WWOX: variants seen among roughly 807,000 people sequenced by gnomAD.
The protein encoded by WWOX is WW domain containing oxidoreductase.
A neutral mutation model predicts 46.2 loss-of-function variants in WWOX; 69 were observed. The observed-to-expected ratio is 1.49, with a 90% CI of 1.23 to 1.82. The LOEUF is 1.82. Among genes scored for constraint, WWOX ranks in the 40% most tolerant of loss-of-function variants. The probability of loss-of-function intolerance (pLI) is 0.00; values close to 1 mark genes in which losing one functional copy is unlikely to be tolerated. For synonymous variants in WWOX, 359 were observed against 202.6 expected, an observed-to-expected ratio of 1.77 and a Z score of -6.56; for missense variants, 919 against 542.6, an observed-to-expected ratio of 1.69 and a Z score of -6.89.
intron 8 of WWOX, among the ~76,000 whole-genome samples, chr16:78,535,890 C>T (rs538066272): frequency 2.0e-5 from 3 of 152,062 alleles, no homozygotes; most frequent in Admixed American, 6.6e-5. Context: ...TCATTTTCCT[C>T]GGTGGTGAAG....
chr16:78,753,274 T>C (rs1485072979), intron 8 of WWOX, among the ~76,000 whole-genome samples: 3 of 151,760 alleles, frequency 2.0e-5, no homozygotes, highest in African/African-American at 7.3e-5. Flanking sequence ...CCCTCCAGCC[T>C]GGGCGACAGA....
At chr16:78,294,676 A>G (rs2079914998) in intron 5 of WWOX, among the ~76,000 whole-genome samples, 2 of 125,234 alleles carry the variant, frequency 1.6e-5, no homozygotes, top group Admixed American at 1.6e-4. Flanking sequence ...ATGTGACTCC[A>G]TGATGAGATA....
rs570000695 is a variant in WWOX at position 78,569,296 on chromosome 16, C to T, written c.1056+136544C>T. 3.3e-5 allele frequency among the ~76,000 whole-genome samples: 5 copies of T among 152,224 alleles called. No individual in the cohort carries two copies. The South Asian group carries it at 6.2e-4, about 19-fold the overall frequency. ...TAGATGCATTTTCATTGAATCAAGGCAGTTTTCCTTTATAAAATGTCCTAT... is the reference window on the plus strand; with the variant it reads ...TAGATGCATTTTCATTGAATCAAGGTAGTTTTCCTTTATAAAATGTCCTAT... On this transcript the variant is annotated intron_variant, in intron 8 of 8. Coordinates refer to ENST00000566780, the MANE Select transcript of WWOX (RefSeq NM_016373.4).
chr16:78,846,616 T>C (rs1597713381), intron 8 of WWOX, among the ~76,000 whole-genome samples: 1 of 152,278 alleles, frequency 6.6e-6, no homozygotes, highest in Non-Finnish European at 1.5e-5. Flanking sequence ...TGTGAAAATA[T>C]CTTATTACTA....
In WWOX at chr16:79,114,193, C is replaced by T. The variant is rs1261760293; in HGVS notation, c.1057-97415C>T. On this transcript the variant is annotated intron_variant, in intron 8 of 8. Transcript: ENST00000566780. ...ATCTATTATGGGTTGAATTGCATCC[C>T]CCCAGAAGATATGTTGAAGTCCCAT... 3.3e-5 allele frequency among the ~76,000 whole-genome samples: 5 copies of T among 151,944 alleles called. 1 individual carries two copies. The highest frequency in any genetic ancestry group is 2.9e-5 in the Non-Finnish European group (2 of 67,998).
chr16:79,044,943 CAATG>C (rs2048038179), intron 8 of WWOX, among the ~76,000 whole-genome samples: 1 of 152,068 alleles, frequency 6.6e-6, no homozygotes, highest in Non-Finnish European at 1.5e-5. Flanking sequence ...CTACAATAAT[CAATG>C]AGATAATGTG....
chr16:78,319,072 C>T (rs1015021074), intron 5 of WWOX, among the ~76,000 whole-genome samples: 73 of 152,170 alleles, frequency 4.8e-4, no homozygotes, highest in African/African-American at 1.6e-3. Flanking sequence ...GTGTAATTGC[C>T]AGGATTCCTA....
intron 8 of WWOX, among the ~76,000 whole-genome samples, chr16:78,511,800 G>A (rs1270060123): frequency 6.6e-6 from 1 of 152,152 alleles, no homozygotes; most frequent in Non-Finnish European, 1.5e-5. Context: ...GATACTTCTG[G>A]CAGACATGGG....
At chr16:78,546,425 G>C (rs2044033265) in intron 8 of WWOX, among the ~76,000 whole-genome samples, 1 of 152,152 alleles carries the variant, frequency 6.6e-6, no homozygotes, top group Non-Finnish European at 1.5e-5. Context: ...TAGAAAGTGA[G>C]GGCAAGAGAT....
chr16:79,017,593 C>T (rs1346675537), intron 8 of WWOX, among the ~76,000 whole-genome samples: 1 of 151,982 alleles, frequency 6.6e-6, no homozygotes, highest in Non-Finnish European at 1.5e-5. Flanking sequence ...CTTTCTACTG[C>T]AAAAACAGCC....
chr16:79,178,789 C>G (rs761561114), intron 8 of WWOX, among the ~76,000 whole-genome samples: 46 of 152,114 alleles, frequency 3.0e-4, no homozygotes, highest in Non-Finnish European at 5.9e-4. Context: ...TGACAGTTTC[C>G]AACTACAATT....
chr16:78,856,278 G>A (rs1265323149), intron 8 of WWOX, among the ~76,000 whole-genome samples: 1 of 152,194 alleles, frequency 6.6e-6, no homozygotes, highest in East Asian at 1.9e-4. Context: ...GTTGTTTGTA[G>A]GCAAGTAGGG....
At chr16:78,823,848 T>C (rs2051574422) in intron 8 of WWOX, among the ~76,000 whole-genome samples, 1 of 151,772 alleles carries the variant, frequency 6.6e-6, no homozygotes, top group Admixed American at 6.6e-5. Context: ...TGATCATAGC[T>C]CACTACAACC....
At chr16:78,606,146 G>T (rs927805190) in intron 8 of WWOX, among the ~76,000 whole-genome samples, 1 of 152,126 alleles carries the variant, frequency 6.6e-6, no homozygotes, top group Admixed American at 6.5e-5. Flanking sequence ...TCATGGTTTC[G>T]TTAACACAGT....
At chr16:78,381,226 T>G (rs1489082042) in intron 5 of WWOX, among the ~76,000 whole-genome samples, 1 of 152,214 alleles carries the variant, frequency 6.6e-6, no homozygotes, top group South Asian at 2.1e-4. Context: ...GGCTAATTTA[T>G]AGTCATAAAA....
chr16:78,631,456 A>G (rs1045906904), intron 8 of WWOX, among the ~76,000 whole-genome samples: 2 of 152,166 alleles, frequency 1.3e-5, no homozygotes, highest in African/African-American at 2.4e-5. Context: ...GACTTATTTC[A>G]TATAAAGCTA....
chr16:78,605,141 C>G (rs1392897186), intron 8 of WWOX, among the ~76,000 whole-genome samples: 1 of 147,474 alleles, frequency 6.8e-6, no homozygotes, highest in Non-Finnish European at 1.5e-5. Flanking sequence ...CTTTTTTTTT[C>G]TCTACTAGAC....
chr16:78,426,513 T>C (rs1034166903), intron 7 of WWOX, among the ~76,000 whole-genome samples: 1 of 152,182 alleles, frequency 6.6e-6, no homozygotes, highest in Non-Finnish European at 1.5e-5. Flanking sequence ...TTTAAAAGAT[T>C]AGTTTGAAAG....
intron 8 of WWOX, among the ~76,000 whole-genome samples, chr16:79,087,234 C>G (rs1393171552): frequency 6.6e-6 from 1 of 152,212 alleles, no homozygotes; most frequent in Non-Finnish European, 1.5e-5. Flanking sequence ...TGGCATGGAT[C>G]AGTGCCTCTC....
Sources: allele counts gnomAD v4.1 joint callset (sites outside exome capture counted in the v4.1 genomes callset), GRCh38; gene constraint gnomAD v4.1.1; transcripts MANE v1.5; gene names NCBI Gene and HGNC (gene_info 2026-07-23, HGNC 2026-07-21).